PCDHGC4: variants seen among roughly 807,000 people sequenced by gnomAD.
The protein encoded by PCDHGC4 is protocadherin gamma subfamily C, 4, also known as protocadherin gamma-C4.
Under a neutral mutation model 59.7 loss-of-function variants are expected in PCDHGC4, and 15 were observed. The observed-to-expected ratio is 0.25, with a 90% CI of 0.17 to 0.39. The LOEUF (loss-of-function observed/expected upper bound fraction) is 0.39, where lower values mean the gene tolerates loss of function less well. PCDHGC4 is among the 10% of genes least tolerant of loss of function. The pLI is 1.00. For synonymous variants in PCDHGC4, 434 were observed against 481.4 expected, an observed-to-expected ratio of 0.90 and a Z score of 1.29; for missense variants, 1,016 against 1,189.5, an observed-to-expected ratio of 0.85 and a Z score of 2.15.
At chr5:141,499,343 G>C (rs1184175548) in intron 2 of PCDHGC4, among the ~76,000 whole-genome samples, 1 of 152,146 alleles carries the variant, frequency 6.6e-6, no homozygotes, top group Non-Finnish European at 1.5e-5. Context: ...AGTTTGGGCA[G>C]TCATTCAACA....
chr5:141,485,964 T>A lies in PCDHGC4; in HGVS notation c.791T>A (p.Leu264His). 1 of 1,614,162 alleles carries A rather than the reference T, an allele frequency of 6.2e-7. No homozygotes were observed. The highest frequency in any genetic ancestry group is 8.5e-7 in the Non-Finnish European group (1 of 1,180,000). The change falls in exon 1 of 4, where the codon CTC becomes CAC. Residue 264 changes from leucine (L) to histidine (H), a missense_variant. By Grantham distance (99) the Leu-to-His change is moderately conservative. Transcript: ENST00000306593. The surrounding 1 kb of genome is among the most constrained non-coding windows in gnomAD (Gnocchi z 5.7). ...SAPAGMVLIQ[L>H]NASDPDLGPS... ...CCAGCGGGCATGGTGCTCATCCAGC[T>A]CAATGCCTCAGACCCGGACCTGGGT...
intron 2 of PCDHGC4, among the ~76,000 whole-genome samples, chr5:141,498,573 A>G (rs7725519): frequency 0.52 from 78,890 of 151,684 alleles, 21,175 homozygotes; most frequent in African/African-American, 0.65. Flanking sequence ...CAGGGCTAGT[A>G]TTGAGTTCTT....
Position 141,487,463 on chromosome 5 carries a change from G to T in PCDHGC4, c.2290G>T (p.Asp764Tyr), listed in dbSNP as rs754798527. 1 of 1,614,136 alleles carries T rather than the reference G, an allele frequency of 6.2e-7. No homozygotes were observed. The highest frequency in any genetic ancestry group is 1.7e-5 in the Admixed American group (1 of 60,016). ...LGSDDPIKFV[D>Y]VGGHSHGCTP... ...GTCAGATGACCCTATCAAGTTTGTT[G>T]ATGTGGGAGGCCACTCTCATGGCTG... The change falls in exon 1 of 4, where the codon GAT (aspartate) becomes TAT (tyrosine). Residue 764 changes from aspartate (D) to tyrosine (Y), a missense_variant. Coordinates refer to ENST00000306593, the MANE Select transcript of PCDHGC4 (RefSeq NM_018928.3). The surrounding 1 kb of genome is among the most constrained non-coding windows in gnomAD (Gnocchi z 5.0).
In PCDHGC4 at chr5:141,487,218, C is replaced by G. The variant is rs2099641338; in HGVS notation, c.2045C>G (p.Pro682Arg). The stretch of plus-strand genomic sequence containing the variant: ...CCAGATCTTCGAGAATCTTCAGCTC[C>G]AAGGGAAGGAGAATCTCGTCTAACC... ...VVPDLRESSA[P>R]REGESRLTLY... Residue 682 changes from proline (P) to arginine (R), a missense_variant, in exon 1 of 4, where the codon CCA becomes CGA. Physicochemically the swap from Pro to Arg is moderately radical, Grantham distance 103. Transcript: ENST00000306593. The surrounding 1 kb of genome is among the most constrained non-coding windows in gnomAD (Gnocchi z 5.0). 1 of 1,613,820 alleles carries G rather than the reference C, an allele frequency of 6.2e-7. No homozygotes were observed. The highest frequency in any genetic ancestry group is 1.1e-5 in the South Asian group (1 of 91,078).
intron 1 of PCDHGC4, among the ~76,000 whole-genome samples, chr5:141,492,920 G>A (rs2099745093): frequency 6.6e-6 from 1 of 152,198 alleles, no homozygotes; most frequent in African/African-American, 2.4e-5. Context: ...TGTGCCCAGC[G>A]ATCTAGGGTC....
At chr5:141,495,073 C>T (rs1464039604) in intron 2 of PCDHGC4, among the ~76,000 whole-genome samples, 1 of 152,186 alleles carries the variant, frequency 6.6e-6, no homozygotes, top group Non-Finnish European at 1.5e-5. Flanking sequence ...GCTCAATTCA[C>T]ATGCTTGCCC....
chr5:141,487,695 C>T lies in PCDHGC4; in HGVS notation c.2442+80C>T, dbSNP rs1345224043. The stretch of plus-strand genomic sequence containing the variant: ...TGGCTAGGCCATGTCCTAGAGAGTA[C>T]TGGCCTCTCAGTAAGTGCCCATAGT... On this transcript the variant is annotated intron_variant, in intron 1 of 3. Coordinates refer to ENST00000306593, the MANE Select transcript of PCDHGC4 (RefSeq NM_018928.3). The surrounding 1 kb of genome is among the most constrained non-coding windows in gnomAD (Gnocchi z 5.0). 2 of 1,601,306 alleles carry T rather than the reference C, an allele frequency of 1.2e-6. No individual in the cohort carries two copies. Among genetic ancestry groups the T allele is most frequent in the East Asian group, 2.2e-5 (1 of 44,606 alleles).
In PCDHGC4 at chr5:141,490,413, G is replaced by C. The variant is rs2233606; in HGVS notation, c.2442+2798G>C. 6 of 1,614,128 alleles carry C rather than the reference G, an allele frequency of 3.7e-6. No individual in the cohort carries two copies. In the South Asian group the frequency reaches 4.4e-5, roughly 12 times the overall value. On this transcript the variant is annotated intron_variant, in intron 1 of 3. Transcript: ENST00000306593. The surrounding 1 kb of genome is among the most constrained non-coding windows in gnomAD (Gnocchi z 5.4). ...GTGAAGTGAGCCTTGATATCTCTCCGGACCTGCCATTTCAGATTAAGCCTT... is the reference window on the plus strand; with the variant it reads ...GTGAAGTGAGCCTTGATATCTCTCCCGACCTGCCATTTCAGATTAAGCCTT...
chr5:141,487,323 G>A lies in PCDHGC4; in HGVS notation c.2150G>A (p.Arg717His), dbSNP rs374901235. Reference sequence around the variant, plus strand: ...GTGGCACTACTCTCTAAGTGTCTTCGTGGGGCAGCCTGTGGAGTCACATGC... The same window carrying A: ...GTGGCACTACTCTCTAAGTGTCTTCATGGGGCAGCCTGTGGAGTCACATGC... Reference protein sequence around the residue: ...SFVALLSKCLRGAACGVTCFP... With the variant: ...SFVALLSKCLHGAACGVTCFP... The change falls in exon 1 of 4, where the codon CGT becomes CAT. Residue 717 changes from arginine (R) to histidine (H), a missense_variant. Arg to His is a conservative substitution (Grantham distance 29). Coordinates refer to ENST00000306593, the MANE Select transcript of PCDHGC4 (RefSeq NM_018928.3). The surrounding 1 kb of genome is among the most constrained non-coding windows in gnomAD (Gnocchi z 5.0). 4.0e-5 allele frequency: 65 copies of A among 1,613,982 alleles called. No homozygotes were observed. Among genetic ancestry groups the A allele is most frequent in the Non-Finnish European group, 4.7e-5 (56 of 1,180,012 alleles).
chr5:141,505,405 C>T lies in PCDHGC4; in HGVS notation c.2514C>T (p.Gly838=), dbSNP rs745516568. 2.5e-6 allele frequency: 4 copies of T among 1,614,130 alleles called. No individual in the cohort carries two copies. The highest frequency in any genetic ancestry group is 3.3e-4 in the Middle Eastern group (2 of 6,062). ...QRPGTSGSQN[G]DDTGTWPNNQ... ...ACTCTCTCCCCAGCTCCCAAAATGG[C>T]GATGACACCGGCACCTGGCCCAACA... Residue 838 remains glycine (G), a synonymous_variant, in exon 3 of 4, where the codon GGC becomes GGT. Transcript: ENST00000306593.
In PCDHGC4 at chr5:141,489,353, A is replaced by G. The variant is rs1423278514; in HGVS notation, c.2442+1738A>G. 3.7e-6 allele frequency: 6 copies of G among 1,612,316 alleles called. No homozygotes were observed. In the African/African-American group the frequency reaches 6.7e-5, roughly 18 times the overall value. ...CAGCTTCGTTACTCAGTGGTGGAGG[A>G]GTCTGAGCCGGGGACGCTGGTGGGG... On this transcript the variant is annotated intron_variant, in intron 1 of 3. Transcript: ENST00000306593. This position sits in a 1 kb window ranked among gnomAD's most constrained non-coding sequence, Gnocchi z 4.5.
At position 141,487,249 on chromosome 5, in the gene PCDHGC4, C is replaced by T. The variant is rs757148469; in HGVS notation, c.2076C>T (p.Tyr692=). ...AAGGAGAATCTCGTCTAACCCTCTACTTGGCTGTGTCCCTAGTGGCAATTT... is the reference window on the plus strand; with the variant it reads ...AAGGAGAATCTCGTCTAACCCTCTATTTGGCTGTGTCCCTAGTGGCAATTT... ...PREGESRLTL[Y]LAVSLVAICF... The change falls in exon 1 of 4, where the codon TAC becomes TAT. Residue 692 remains tyrosine, a synonymous_variant. Coordinates refer to ENST00000306593, the MANE Select transcript of PCDHGC4 (RefSeq NM_018928.3). The surrounding 1 kb of genome is among the most constrained non-coding windows in gnomAD (Gnocchi z 5.0). 2.5e-6 allele frequency: 4 copies of T among 1,614,164 alleles called. No homozygotes were observed. In the South Asian group the frequency reaches 4.4e-5, roughly 18 times the overall value.
chr5:141,486,985 T>C lies in PCDHGC4; in HGVS notation c.1812T>C (p.Ala604=). The change falls in exon 1 of 4, where the codon GCT becomes GCC. Residue 604 remains alanine, a synonymous_variant. Coordinates refer to ENST00000306593, the MANE Select transcript of PCDHGC4 (RefSeq NM_018928.3). The surrounding 1 kb of genome is among the most constrained non-coding windows in gnomAD (Gnocchi z 5.0). ...TAVDLDSGYN[A]WVSYQLLEAP... is the part of the protein sequence containing the mutation. ...TGGACTTGGATTCAGGTTACAATGC[T>C]TGGGTTTCCTATCAGCTCCTGGAGG... 1 of 1,614,208 alleles carries C rather than the reference T, an allele frequency of 6.2e-7. No individual in the cohort carries two copies. The highest frequency in any genetic ancestry group is 8.5e-7 in the Non-Finnish European group (1 of 1,180,040).
intron 2 of PCDHGC4, among the ~76,000 whole-genome samples, chr5:141,500,292 T>A (rs1001226545): frequency 2.0e-5 from 3 of 151,954 alleles, no homozygotes; most frequent in Non-Finnish European, 4.4e-5. Context: ...CACTGCAAGC[T>A]CCGCCTCCCA....
At chr5:141,496,886 C>T (rs1562175671) in intron 2 of PCDHGC4, among the ~76,000 whole-genome samples, 1 of 135,246 alleles carries the variant, frequency 7.4e-6, no homozygotes, top group African/African-American at 2.9e-5. Context: ...ACAAGTAACA[C>T]TTAAAAAAAA....
At chr5:141,508,538 G>C (rs1383873129) in intron 3 of PCDHGC4, among the ~76,000 whole-genome samples, 1 of 152,120 alleles carries the variant, frequency 6.6e-6, no homozygotes, top group African/African-American at 2.4e-5. Flanking sequence ...CACCCCCCAC[G>C]AGGTGGGCGG....
At position 141,487,063 on chromosome 5, in the gene PCDHGC4, G is replaced by T; in HGVS notation, c.1890G>T (p.Thr630=). The T allele has an allele frequency of 6.2e-7, 1 of 1,614,086 alleles. No homozygotes were observed. ...AVSRYAGEVR[T]AVPIPADLPP... ...CTCGATATGCTGGGGAGGTGCGGACGGCTGTTCCTATCCCAGCTGACCTCC... is the reference window on the plus strand; with the variant it reads ...CTCGATATGCTGGGGAGGTGCGGACTGCTGTTCCTATCCCAGCTGACCTCC... The change falls in exon 1 of 4, where the codon ACG becomes ACT. Residue 630 remains threonine (T), a synonymous_variant. Coordinates refer to ENST00000306593, the MANE Select transcript of PCDHGC4 (RefSeq NM_018928.3). The surrounding 1 kb of genome is among the most constrained non-coding windows in gnomAD (Gnocchi z 5.0).
rs1036223789 is a variant in PCDHGC4, at chr5:141,511,298, G to C, written c.*125G>C. 49 of 1,502,412 alleles carry C rather than the reference G, an allele frequency of 3.3e-5. No homozygotes were observed. The African/African-American group carries it at 6.7e-4, about 20-fold the overall frequency. 93.1% of individuals were successfully genotyped at this position (1,502,412 alleles called of 1,614,324 possible). A position where few individuals can be genotyped will look rare whatever the true frequency, so the allele number is the denominator to read the frequency against. The stretch of plus-strand genomic sequence containing the variant: ...GAATACTGGTAGGGGCCAAGGCCAT[G>C]CTCCCCTTGGGAAACAGAAACAAGT... On this transcript the variant is annotated 3_prime_UTR_variant, in exon 4 of 4. Coordinates refer to ENST00000306593, the MANE Select transcript of PCDHGC4 (RefSeq NM_018928.3).
At position 141,485,129 on chromosome 5, in the gene PCDHGC4, T is replaced by G. The variant is rs761201450; in HGVS notation, c.-45T>G. 2.1e-6 allele frequency: 3 copies of G among 1,462,964 alleles called. No individual in the cohort carries two copies. Among genetic ancestry groups the G allele is most frequent in the Non-Finnish European group, 2.8e-6 (3 of 1,053,766 alleles). 90.6% of individuals were successfully genotyped at this position (1,462,964 alleles called of 1,614,324 possible). A position where few individuals can be genotyped will look rare whatever the true frequency, so the allele number is the denominator to read the frequency against. On this transcript the variant is annotated 5_prime_UTR_variant, in exon 1 of 4. Coordinates refer to ENST00000306593, the MANE Select transcript of PCDHGC4 (RefSeq NM_018928.3). The surrounding 1 kb of genome is among the most constrained non-coding windows in gnomAD (Gnocchi z 5.7). ...TGTGGCTGTTTGGGGCGGGTCGGCT[T>G]CATCCGCGTCTCAGGAGCAAGTAGA...
Sources: gnomAD v4.1 joint callset for allele counts (sites outside exome capture counted in the v4.1 genomes callset) on GRCh38, gnomAD v4.1.1 for gene constraint, Gnocchi (gnomAD v3.1) non-coding constraint, MANE v1.5 for transcripts, NCBI Gene and HGNC (gene_info 2026-07-23, HGNC 2026-07-21) for gene names.